Variants in SOX8 observed in about 807,000 individuals in gnomAD.
The protein encoded by SOX8 is SRY-box transcription factor 8, also known as transcription factor SOX-8.
A neutral mutation model predicts 22.9 loss-of-function variants in SOX8; 9 were observed. That is an observed-to-expected ratio of 0.39 (90% CI 0.24 to 0.69). The LOEUF is 0.69. Ranked by LOEUF, SOX8 falls within the 30% of genes least tolerant of loss-of-function variation. The probability of loss-of-function intolerance (pLI) is 0.43; values close to 1 mark genes in which losing one functional copy is unlikely to be tolerated. For synonymous variants in SOX8, 416 were observed against 330.6 expected (o/e 1.26, Z -2.80); for missense variants, 734 against 699.4 (o/e 1.05, Z -0.56).
intron 2 of SOX8, 72 bp downstream of exon 2, chr16:984,032 G>A: frequency 7.5e-7 from 1 of 1,332,728 alleles, no homozygotes; most frequent in Non-Finnish European, 1.0e-6. Context: ...TGGCTGAGAA[G>A]GGTGCATGAT....
chr16:982,601 C>G, intron 1 of SOX8: 1 of 380,540 alleles, frequency 2.6e-6, no homozygotes, highest in Non-Finnish European at 4.6e-6. Context: ...GGCGGGTGCG[C>G]TCTGGAGCCA....
In SOX8 at chr16:985,380, G is replaced by A; in HGVS notation, c.1335G>A (p.Arg445=). The A allele has an allele frequency of 1.3e-6, 2 of 1,547,176 alleles. No homozygotes were observed. The highest frequency in any genetic ancestry group is 1.7e-6 in the Non-Finnish European group (2 of 1,150,432). Residue 445 remains arginine, a synonymous_variant, in exon 3 of 3, where the codon AGG becomes AGA. Transcript: ENST00000293894. ...AGCCGGTGTACACCACCCTGACCAG[G>A]CCCTGAGGGCCCAGCCGCGGGGAGG... ...WDQPVYTTLT[R]P
Position 985,429 on chromosome 16 carries a change from C to A in SOX8, c.*43C>A. ...GGGACTCGCAGGCGTCAGGGGGCAG[C>A]CTTGTCCCGGCCCAGTGTGTGTGAC... On this transcript the variant is annotated 3_prime_UTR_variant, in exon 3 of 3. Coordinates refer to ENST00000293894, the MANE Select transcript of SOX8 (RefSeq NM_014587.5). The A allele has an allele frequency of 6.9e-7, 1 of 1,445,594 alleles. No individual in the cohort carries two copies. Among genetic ancestry groups the A allele is most frequent in the Non-Finnish European group, 9.2e-7 (1 of 1,086,866 alleles). 89.5% of individuals were successfully genotyped at this position (1,445,594 alleles called of 1,614,324 possible). A position where few individuals can be genotyped will look rare whatever the true frequency, so the allele number is the denominator to read the frequency against.
At position 981,839 on chromosome 16, in the gene SOX8, C is replaced by T; in HGVS notation, c.-84C>T. 3.4e-6 allele frequency: 3 copies of T among 870,294 alleles called. No individual in the cohort carries two copies. The highest frequency in any genetic ancestry group is 4.2e-6 in the Non-Finnish European group (3 of 706,010). 53.9% of individuals were successfully genotyped at this position (870,294 alleles called of 1,614,324 possible). A position where few individuals can be genotyped will look rare whatever the true frequency, so the allele number is the denominator to read the frequency against. On this transcript the variant is annotated 5_prime_UTR_variant, in exon 1 of 3. Coordinates refer to ENST00000293894, the MANE Select transcript of SOX8 (RefSeq NM_014587.5). ...GGTCGGGGCCACCGCGCGGCGACCTCGGGTCCCGGAGCGACCGCAGGGCAG... is the reference window on the plus strand; with the variant it reads ...GGTCGGGGCCACCGCGCGGCGACCTTGGGTCCCGGAGCGACCGCAGGGCAG...
intron 1 of SOX8, 141 bp downstream of exon 1, chr16:982,485 T>C: frequency 1.1e-6 from 1 of 927,286 alleles, no homozygotes; most frequent in Non-Finnish European, 1.4e-6. Context: ...CGGGCGGGTG[T>C]CAGGGCGGGT....
chr16:983,868 C>G lies in SOX8; in HGVS notation c.563C>G (p.Ser188Trp). 6.2e-7 allele frequency: 1 copy of G among 1,611,884 alleles called. No homozygotes were observed. The highest frequency in any genetic ancestry group is 8.5e-7 in the Non-Finnish European group (1 of 1,179,390). ...SAKAGHSDSD[S>W]GAELGPHPGG... The stretch of plus-strand genomic sequence containing the variant: ...AAAGCCGGCCACAGCGACTCCGACT[C>G]GGGCGCGGAGCTGGGACCCCACCCT... The change falls in exon 2 of 3, where the codon TCG becomes TGG. Residue 188 changes from serine (S) to tryptophan (W), a missense_variant. By Grantham distance (177) the Ser-to-Trp change is radical. This residue lies in a region of SOX8 where 588 missense variants were observed against 568.2 expected (regional missense o/e 1.03). Coordinates refer to ENST00000293894, the MANE Select transcript of SOX8 (RefSeq NM_014587.5).
Position 985,008 on chromosome 16 carries a change from CCCGTCGGCCTCCG to C in SOX8, c.965_977del (p.Pro322ArgfsTer118). 1 of 1,576,146 alleles carries C rather than the reference CCCGTCGGCCTCCG, an allele frequency of 6.3e-7. No individual in the cohort carries two copies. Among genetic ancestry groups the C allele is most frequent in the Non-Finnish European group, 8.6e-7 (1 of 1,166,912 alleles). ...CCCCCGTGTGGGCCCACAAGAGTGC[CCCGTCGGCCTCCG>C]CGTCGCCCACCGAGACGGGTCCCCC... On this transcript the variant is annotated frameshift_variant, in exon 3 of 3. Coordinates refer to ENST00000293894, the MANE Select transcript of SOX8 (RefSeq NM_014587.5). LOFTEE classifies it low-confidence loss of function (END_TRUNC).
Position 982,176 on chromosome 16 carries a change from C to G in SOX8, c.254C>G (p.Pro85Arg). 1 of 1,503,078 alleles carries G rather than the reference C, an allele frequency of 6.7e-7. No homozygotes were observed. The highest frequency in any genetic ancestry group is 8.8e-7 in the Non-Finnish European group (1 of 1,132,382). 93.1% of individuals were successfully genotyped at this position (1,503,078 alleles called of 1,614,324 possible). A position where few individuals can be genotyped will look rare whatever the true frequency, so the allele number is the denominator to read the frequency against. The change falls in exon 1 of 3, where the codon CCC (proline) becomes CGC (arginine). Residue 85 changes from proline (P) to arginine (R), a missense_variant. By Grantham distance (103) the Pro-to-Arg change is moderately radical. Transcript: ENST00000293894. ...VLKGYDWSLV[P>R]MPVRGGGGGA... Reference sequence around the variant, plus strand: ...AAGGGCTACGACTGGAGTCTGGTGCCCATGCCGGTGCGCGGCGGCGGCGGC... The same window carrying G: ...AAGGGCTACGACTGGAGTCTGGTGCGCATGCCGGTGCGCGGCGGCGGCGGC...
At chr16:984,187 T>C (rs1261630920) in intron 2 of SOX8, among the ~76,000 whole-genome samples, 5 of 152,348 alleles carry the variant, frequency 3.3e-5, no homozygotes. Flanking sequence ...CAGCTTTGCT[T>C]GGCAGGGACC....
Position 984,724 on chromosome 16 carries a change from C to A in SOX8, c.679C>A (p.Pro227Thr). The change falls in exon 3 of 3, where the codon CCG (proline) becomes ACG (threonine). Residue 227 changes from proline to threonine, a missense_variant. This residue lies in a region of SOX8 where 588 missense variants were observed against 568.2 expected (regional missense o/e 1.03). Coordinates refer to ENST00000293894, the MANE Select transcript of SOX8 (RefSeq NM_014587.5). ...HTGQTHGPPT[P>T]PTTPKTELQQ... The stretch of plus-strand genomic sequence containing the variant: ...AGGGCAGACCCACGGGCCGCCCACC[C>A]CGCCCACCACCCCCAAGACGGAGCT... The A allele has an allele frequency of 6.4e-7, 1 of 1,560,102 alleles. No individual in the cohort carries two copies. Among genetic ancestry groups the A allele is most frequent in the East Asian group, 2.4e-5 (1 of 42,292 alleles).
rs2073388680 is a variant in SOX8 at position 981,826 on chromosome 16, C to G, written c.-97C>G. ...CGGCAGGGGCGAGGGTCGGGGCCAC[C>G]GCGCGGCGACCTCGGGTCCCGGAGC... On this transcript the variant is annotated 5_prime_UTR_variant, in exon 1 of 3. Coordinates refer to ENST00000293894, the MANE Select transcript of SOX8 (RefSeq NM_014587.5). 1 of 693,460 alleles carries G rather than the reference C, an allele frequency of 1.4e-6. No individual in the cohort carries two copies. Among genetic ancestry groups the G allele is most frequent in the African/African-American group, 2.0e-5 (1 of 50,936 alleles). The allele number at this position is 693,460 out of a possible 1,614,324, so 43.0% of individuals were successfully genotyped here.
At chr16:982,433 C>T (rs1457771762) in intron 1 of SOX8, 89 bp downstream of exon 1, 9 of 1,239,986 alleles carry the variant, frequency 7.3e-6, no homozygotes, top group Non-Finnish European at 7.1e-6. Context: ...GCGCAGAGCT[C>T]GCGGAGGTGG....
chr16:982,052 C>T lies in SOX8; in HGVS notation c.130C>T (p.Arg44Cys), dbSNP rs2073394931. The change falls in exon 1 of 3, where the codon CGC becomes TGC. Residue 44 changes from arginine (R) to cysteine (C), a missense_variant. By Grantham distance (180) the Arg-to-Cys change is radical. This residue lies in a region of SOX8 where 139 missense variants were observed against 109.1 expected (regional missense o/e 1.27). Coordinates refer to ENST00000293894, the MANE Select transcript of SOX8 (RefSeq NM_014587.5). ...TCCCGCCGGCTCCGAGGGCCTGGGC[C>T]GCGCGGGGGTCGCGGTGGGGGGCGC... ...PSPAGSEGLG[R>C]AGVAVGGARG... 1.5e-6 allele frequency: 2 copies of T among 1,301,298 alleles called. No homozygotes were observed. The highest frequency in any genetic ancestry group is 1.9e-6 in the Non-Finnish European group (2 of 1,033,874). 80.6% of individuals were successfully genotyped at this position (1,301,298 alleles called of 1,614,324 possible).
chr16:984,322 C>G (rs765529647), intron 2 of SOX8, among the ~76,000 whole-genome samples: 3 of 152,208 alleles, frequency 2.0e-5, no homozygotes, highest in Non-Finnish European at 2.9e-5. Context: ...GGAGTCCTGC[C>G]GGGGCCTCGG....
In SOX8 at chr16:981,941, G is replaced by T; in HGVS notation, c.19G>T (p.Ala7Ser). The change falls in exon 1 of 3, where the codon GCC becomes TCC. Residue 7 changes from alanine (A) to serine (S), a missense_variant. Physicochemically the swap from Ala to Ser is moderately conservative, Grantham distance 99 (BLOSUM62 1). This residue lies in a region of SOX8 where 139 missense variants were observed against 109.1 expected (regional missense o/e 1.27). Transcript: ENST00000293894. Reference protein sequence around the residue: MLDMSEARSQPPCSPSG... With the variant: MLDMSESRSQPPCSPSG... ...GGCCCCGATGCTGGACATGAGCGAG[G>T]CCCGCTCCCAGCCGCCCTGCAGCCC... The T allele has an allele frequency of 7.1e-7, 1 of 1,411,314 alleles. No homozygotes were observed. The highest frequency in any genetic ancestry group is 9.3e-7 in the Non-Finnish European group (1 of 1,080,002). The allele number at this position is 1,411,314 out of a possible 1,614,324, so 87.4% of individuals were successfully genotyped here. A position where few individuals can be genotyped will look rare whatever the true frequency, so the allele number is the denominator to read the frequency against.
Position 986,527 on chromosome 16 carries a change from C to T in SOX8, c.*1141C>T, listed in dbSNP as rs1448669210. On this transcript the variant is annotated 3_prime_UTR_variant, in exon 3 of 3. Transcript: ENST00000293894. ...GTGGTGGCTTCAGAAGTGATCTTGGCTCGCAGGCACCAGTGCCACCTACCA... is the reference window on the plus strand; with the variant it reads ...GTGGTGGCTTCAGAAGTGATCTTGGTTCGCAGGCACCAGTGCCACCTACCA... 6.6e-6 allele frequency: 1 copy of T among 152,428 alleles called. No homozygotes were observed. The highest frequency in any genetic ancestry group is 1.5e-5 in the Non-Finnish European group (1 of 68,054). The allele number at this position is 152,428 out of a possible 1,614,324, so 9.4% of individuals were successfully genotyped here. A position where few individuals can be genotyped will look rare whatever the true frequency, so the allele number is the denominator to read the frequency against.
Position 982,004 on chromosome 16 carries a change from TC to T in SOX8, c.83del (p.Ser28TrpfsTer75). On this transcript the variant is annotated frameshift_variant, in exon 1 of 3. Transcript: ENST00000293894. LOFTEE classifies it high-confidence loss of function. Reference sequence around the variant, plus strand: ...CAGCTCCATGTCGCACGTGGAGGACTCGGACTCGGACGCGCCGCCGTCTCCC... The same window carrying T: ...CAGCTCCATGTCGCACGTGGAGGACTGGACTCGGACGCGCCGCCGTCTCCC... ...TASSMSHVED[S>X]DSDAPPSPAG... 7.0e-7 allele frequency: 1 copy of T among 1,419,298 alleles called. No homozygotes were observed. Among genetic ancestry groups the T allele is most frequent in the Non-Finnish European group, 9.2e-7 (1 of 1,086,020 alleles). The allele number at this position is 1,419,298 out of a possible 1,614,324, so 87.9% of individuals were successfully genotyped here.
intron 1 of SOX8, 72 bp downstream of exon 1, chr16:982,416 C>T (rs1182198813): frequency 2.4e-6 from 3 of 1,271,272 alleles, no homozygotes; most frequent in Non-Finnish European, 3.0e-6. Context: ...GAGCGGGGGC[C>T]TGGAGGGCGC....
In SOX8 at chr16:983,825, C is replaced by G; in HGVS notation, c.520C>G (p.Arg174Gly). ...KDHPDYKYQP[R>G]RRKSAKAGHS... ...CCACCCCGACTACAAGTACCAGCCA[C>G]GGCGCAGGAAGAGCGCCAAAGCCGG... is the stretch of plus-strand genomic sequence containing the variant. Residue 174 changes from arginine to glycine, a missense_variant, in exon 2 of 3, where the codon CGG (arginine) becomes GGG (glycine). Transcript: ENST00000293894. 2 of 1,612,830 alleles carry G rather than the reference C, an allele frequency of 1.2e-6. No individual in the cohort carries two copies. The highest frequency in any genetic ancestry group is 1.7e-6 in the Non-Finnish European group (2 of 1,179,828).
Sources: gnomAD v4.1 joint callset for allele counts (sites outside exome capture counted in the v4.1 genomes callset) on GRCh38, gnomAD v4.1.1 for gene constraint, gnomAD v4.1.1 regional missense constraint, MANE v1.5 for transcripts, NCBI Gene and HGNC (gene_info 2026-07-23, HGNC 2026-07-21) for gene names.